ST18: variants seen among roughly 807,000 people sequenced by gnomAD.
The protein encoded by ST18 is ST18 C2H2C-type zinc finger transcription factor.
Under a neutral mutation model 110.0 loss-of-function variants are expected in ST18, and 50 were observed. That is an observed-to-expected ratio of 0.45 (90% CI 0.36 to 0.58). The LOEUF (loss-of-function observed/expected upper bound fraction) is 0.58, where lower values mean the gene tolerates loss of function less well. Ranked by LOEUF, ST18 falls within the 20% of genes least tolerant of loss-of-function variation. ST18 has a pLI of 0.00. For missense variants in ST18, 1,306 were observed against 1,280.1 expected (o/e 1.02, Z -0.31); for synonymous variants, 461 against 452.4 (o/e 1.02, Z -0.24).
At chr8:52,127,009 C>A (rs968999958) in intron 22 of ST18, among the ~76,000 whole-genome samples, 1 of 152,174 alleles carries the variant, frequency 6.6e-6, no homozygotes, top group Non-Finnish European at 1.5e-5. Flanking sequence ...TTCGTAGAAA[C>A]AATTTTTAGA....
intron 2 of ST18, among the ~76,000 whole-genome samples, chr8:52,303,210 TGAAGGCTTGGG>T (rs2095757322): frequency 6.6e-6 from 1 of 152,222 alleles, no homozygotes; most frequent in African/African-American, 2.4e-5. Flanking sequence ...ATGCACCCTC[TGAAGGCTTGGG>T]GAAGGACACT....
At chr8:52,250,445 C>CAAAAAAAAAAAAAAAAA (rs1159770176) in intron 2 of ST18, among the ~76,000 whole-genome samples, 1 of 4,280 alleles carries the variant, frequency 2.3e-4, no homozygotes, top group Non-Finnish European at 4.2e-4. Context: ...GCCTCAAAGG[C>CAAAAAAAAAAAAAAAAA]AAAAAAAAAA....
intron 19 of ST18, among the ~76,000 whole-genome samples, chr8:52,134,643 C>G (rs1039722629): frequency 3.3e-5 from 5 of 151,682 alleles, no homozygotes; most frequent in African/African-American, 9.7e-5. Context: ...ATAAAATGAG[C>G]ATGCATCTCT....
intron 2 of ST18, among the ~76,000 whole-genome samples, chr8:52,233,824 A>G (rs1192774401): frequency 6.6e-6 from 1 of 152,202 alleles, no homozygotes; most frequent in Non-Finnish European, 1.5e-5. Flanking sequence ...AATTAAATTT[A>G]ATCGAATTTG....
At chr8:52,227,010 A>G (rs903935151) in intron 3 of ST18, among the ~76,000 whole-genome samples, 1 of 152,160 alleles carries the variant, frequency 6.6e-6, no homozygotes. Flanking sequence ...ATTTGAATTA[A>G]GATAAAATGT....
At position 52,187,994 on chromosome 8, in the gene ST18, C is replaced by T. The variant is rs568164886; in HGVS notation, c.87-7682G>A. On this transcript the variant is annotated intron_variant, in intron 8 of 25. Transcript: ENST00000689386. ...ATGTATATGGACAGTACTATTTTTCCAGCTTATATTACTTTGGAAATATTC... is the reference window on the plus strand; with the variant it reads ...ATGTATATGGACAGTACTATTTTTCTAGCTTATATTACTTTGGAAATATTC... Among the ~76,000 whole-genome samples the T allele has an allele frequency of 2.6e-5, 4 of 152,184 alleles. No homozygotes were observed. In the East Asian group the frequency reaches 7.7e-4, roughly 29 times the overall value.
intron 17 of ST18, among the ~76,000 whole-genome samples, chr8:52,140,272 G>A (rs998820296): frequency 1.3e-5 from 2 of 152,226 alleles, no homozygotes; most frequent in Non-Finnish European, 2.9e-5. Context: ...GCTCACGCCT[G>A]TAATTCCAGC....
chr8:52,376,273 T>G (rs1290826197), intron 2 of ST18, among the ~76,000 whole-genome samples: 2 of 151,868 alleles, frequency 1.3e-5, no homozygotes, highest in African/African-American at 4.9e-5. Flanking sequence ...TCTCTGACCT[T>G]CTCTCTTTCC....
chr8:52,375,359 T>G (rs1273739285), intron 2 of ST18, among the ~76,000 whole-genome samples: 1 of 152,188 alleles, frequency 6.6e-6, no homozygotes, highest in East Asian at 1.9e-4. Context: ...TTGCCTCCCA[T>G]GAGGCTTCCC....
At chr8:52,113,586 T>C (rs111796446) in intron 25 of ST18, among the ~76,000 whole-genome samples, 53 of 152,280 alleles carry the variant, frequency 3.5e-4, no homozygotes, top group African/African-American at 1.2e-3. Context: ...ACATAAAGTA[T>C]ATGTCTGGCT....
intron 2 of ST18, among the ~76,000 whole-genome samples, chr8:52,273,330 G>T (rs1205374273): frequency 6.6e-6 from 1 of 152,116 alleles, no homozygotes; most frequent in East Asian, 1.9e-4. Context: ...ATTTGAATAA[G>T]AAAGAACTAT....
chr8:52,133,005 C>T, intron 21 of ST18, 52 bp downstream of exon 21: 1 of 1,598,336 alleles, frequency 6.3e-7, no homozygotes, highest in Non-Finnish European at 8.6e-7. Context: ...AGTTCCCTCC[C>T]ATTTTACCAA....
At position 52,245,083 on chromosome 8, in the gene ST18, A is replaced by T. The variant is rs968327633; in HGVS notation, c.-464-15006T>A. 2.6e-5 allele frequency among the ~76,000 whole-genome samples: 4 copies of T among 152,162 alleles called. No homozygotes were observed. In the East Asian group the frequency reaches 5.8e-4, roughly 22 times the overall value. On this transcript the variant is annotated intron_variant, in intron 2 of 25. Coordinates refer to ENST00000689386, the MANE Select transcript of ST18 (RefSeq NM_001352837.2). ...CTCATTTTCACCCTTCAGAATAGCA[A>T]TGTTAAGACTAATTCTCCACCATTG... is the stretch of plus-strand genomic sequence containing the variant.
chr8:52,370,362 G>GTGTGTGTGTGCATGCATGCATGTGTGCA (rs1467447876), intron 2 of ST18, among the ~76,000 whole-genome samples: 436 of 150,950 alleles, frequency 2.9e-3, no homozygotes, highest in African/African-American at 0.01. Flanking sequence ...ATGTGTGCAT[G>GTGTGTGTGTGCATGCATGCATGTGTGCA]TGTGTGTGTG....
intron 2 of ST18, among the ~76,000 whole-genome samples, chr8:52,372,830 A>G (rs544383749): frequency 4.6e-5 from 7 of 152,306 alleles, no homozygotes; most frequent in Non-Finnish European, 1.0e-4. Flanking sequence ...TCGTATCCCC[A>G]TTGTTAAGTG....
chr8:52,176,060 C>T lies in ST18; in HGVS notation c.278-3477G>A, dbSNP rs377253558. Among the ~76,000 whole-genome samples, 22 of 151,830 alleles carry T rather than the reference C, an allele frequency of 1.4e-4. No individual in the cohort carries two copies. The East Asian group carries it at 2.9e-3, about 20-fold the overall frequency. ...TTTTTTAGACGGAGTCTCCCTCTGT[C>T]GCCCAGGCTGGAGTGCAGTGGCTCA... is the stretch of plus-strand genomic sequence containing the variant. On this transcript the variant is annotated intron_variant, in intron 9 of 25. Coordinates refer to ENST00000689386, the MANE Select transcript of ST18 (RefSeq NM_001352837.2).
At chr8:52,406,933 T>C (rs765177566) in intron 2 of ST18, 4 of 152,186 alleles carry the variant, frequency 2.6e-5, no homozygotes, top group Non-Finnish European at 4.4e-5. Context: ...AGAGGGACAC[T>C]CGGCTTGTAA....
chr8:52,328,814 T>C (rs1689790612), intron 2 of ST18, among the ~76,000 whole-genome samples: 1 of 152,204 alleles, frequency 6.6e-6, no homozygotes, highest in Non-Finnish European at 1.5e-5. Flanking sequence ...GTGGACTGCA[T>C]GTGGATGAAA....
chr8:52,129,548 T>C (rs986533993), intron 22 of ST18, among the ~76,000 whole-genome samples: 1 of 152,000 alleles, frequency 6.6e-6, no homozygotes, highest in Non-Finnish European at 1.5e-5. Flanking sequence ...TACAGTCTCT[T>C]AAGTATTTGA....
Sources: allele counts gnomAD v4.1 joint callset (sites outside exome capture counted in the v4.1 genomes callset), GRCh38; gene constraint gnomAD v4.1.1; transcripts MANE v1.5; gene names NCBI Gene and HGNC (gene_info 2026-07-23, HGNC 2026-07-21).